NAB2: variants seen among roughly 807,000 people sequenced by gnomAD.
NAB2 encodes the protein NGFI-A binding protein 2.
In NAB2, 9 loss-of-function variants were observed where a neutral mutation model predicts 44.2. The ratio of observed to expected loss-of-function variants is 0.20; its 90% CI spans 0.12 to 0.36. The LOEUF is 0.36. NAB2 is among the 10% of genes least tolerant of loss of function. The pLI is 1.00. For synonymous variants in NAB2, 342 were observed against 291.0 expected (o/e 1.18, Z -1.78); for missense variants, 514 against 709.0 (o/e 0.73, Z 3.12).
chr12:57,092,032 G>A (rs1364266745), intron 2 of NAB2, 34 bp downstream of exon 2: 1 of 1,569,606 alleles, frequency 6.4e-7, no homozygotes, highest in Non-Finnish European at 8.6e-7. Context: ...GATTGCCCTT[G>A]ACTTCCAGGT....
At position 57,091,871 on chromosome 12, in the gene NAB2, G is replaced by A. The variant is rs776421700; in HGVS notation, c.830G>A (p.Ser277Asn). The change falls in exon 2 of 7, where the codon AGC (serine) becomes AAC (asparagine). Residue 277 changes from serine to asparagine, a missense_variant. By Grantham distance (46) the Ser-to-Asn change is conservative. This residue lies in a region of NAB2 where 177 missense variants were observed against 200.5 expected (regional missense o/e 0.88). Transcript: ENST00000300131. The surrounding 1 kb of genome is among the most constrained non-coding windows in gnomAD (Gnocchi z 7.3). ...AAGCTGAATAAGAAGCTGGCACGGA[G>A]CGTTGGGCACATCTTTGAGATGGAT... Reference protein sequence around the residue: ...LLKLNKKLARSVGHIFEMDDN... With the variant: ...LLKLNKKLARNVGHIFEMDDN... 5 of 1,614,098 alleles carry A rather than the reference G, an allele frequency of 3.1e-6. No individual in the cohort carries two copies. The highest frequency in any genetic ancestry group is 1.3e-5 in the African/African-American group (1 of 74,936).
In NAB2 at chr12:57,094,687, G is replaced by T; in HGVS notation, c.1544G>T (p.Ser515Ile). ...HPALVEGRRS[S>I]VKVEAEASRQ ...GCGCTGGTGGAGGGTCGCAGGAGCA[G>T]CGTGAAAGTGGAGGCTGAGGCCAGC... The change falls in exon 7 of 7, where the codon AGC becomes ATC. Residue 515 changes from serine to isoleucine, a missense_variant. Around this residue, in one of 5 missense-constraint regions of NAB2, gnomAD observed 194 missense variants for 223.9 expected, o/e 0.87. Transcript: ENST00000300131. 2.0e-5 allele frequency: 31 copies of T among 1,554,474 alleles called. No homozygotes were observed. The highest frequency in any genetic ancestry group is 2.6e-5 in the Non-Finnish European group (30 of 1,148,666).
intron 4 of NAB2, 39 bp from the exon 5 acceptor site, chr12:57,093,024 C>T: frequency 6.2e-7 from 1 of 1,614,032 alleles, no homozygotes; most frequent in Non-Finnish European, 8.5e-7. Flanking sequence ...AATCCCCTCC[C>T]TTGGCAGGTC....
chr12:57,092,359 T>C, intron 2 of NAB2, 89 bp from the exon 3 acceptor site: 1 of 1,531,370 alleles, frequency 6.5e-7, no homozygotes, highest in African/African-American at 1.4e-5. Context: ...ATGGGCCTCA[T>C]TTGTCCAATG....
chr12:57,092,310 C>T, intron 2 of NAB2, 138 bp from the exon 3 acceptor site: 4 of 1,299,496 alleles, frequency 3.1e-6, no homozygotes, highest in Non-Finnish European at 4.2e-6. Flanking sequence ...CCTCAGAAAG[C>T]TCCCATGTAG....
intron 1 of NAB2, among the ~76,000 whole-genome samples, chr12:57,090,204 G>A (rs538395264): frequency 6.6e-6 from 1 of 152,326 alleles, no homozygotes; most frequent in South Asian, 2.1e-4. Context: ...TAACCAGGCC[G>A]GGCGGGCCCG....
rs374940522 is a variant in NAB2 at position 57,092,450 on chromosome 12, C to G, written c.960C>G (p.Leu320=). 2 of 1,614,058 alleles carry G rather than the reference C, an allele frequency of 1.2e-6. No individual in the cohort carries two copies. The highest frequency in any genetic ancestry group is 1.7e-6 in the Non-Finnish European group (2 of 1,179,942). ...TCCTGGCTGCCCTCCCTCCACAGCT[C>G]ACCATCAACGAGGCTGCTGCCCAGT... ...REGKQLSLHE[L]TINEAAAQFC... The change falls in exon 3 of 7, where the codon CTC becomes CTG. Residue 320 remains leucine (L), a splice_region_variant and synonymous_variant. Transcript: ENST00000300131.
rs749387788 is a variant in NAB2 at position 57,091,537 on chromosome 12, C to A, written c.496C>A (p.Leu166Ile). The part of the protein sequence containing the change: ...RSFSPKSPLE[L>I]GEKLSPLPGG... ...TTTTAGCCCCAAGAGCCCCCTTGAA[C>A]TTGGAGAGAAGCTATCACCACTGCC... The change falls in exon 2 of 7, where the codon CTT becomes ATT. Residue 166 changes from leucine to isoleucine, a missense_variant. By Grantham distance (5) the Leu-to-Ile change is conservative. Coordinates refer to ENST00000300131, the MANE Select transcript of NAB2 (RefSeq NM_005967.4). This position sits in a 1 kb window ranked among gnomAD's most constrained non-coding sequence, Gnocchi z 7.3. 1 of 1,612,984 alleles carries A rather than the reference C, an allele frequency of 6.2e-7. No individual in the cohort carries two copies. Among genetic ancestry groups the A allele is most frequent in the Non-Finnish European group, 8.5e-7 (1 of 1,179,372 alleles).
At chr12:57,092,694 C>A in intron 3 of NAB2, 113 bp downstream of exon 3, 1 of 1,441,012 alleles carries the variant, frequency 6.9e-7, no homozygotes, top group South Asian at 1.3e-5. Context: ...ACCTGGATGT[C>A]CTGCTTTTGG....
chr12:57,091,034 G>A lies in NAB2; in HGVS notation c.84-91G>A. 8.7e-7 allele frequency: 1 copy of A among 1,143,390 alleles called. No individual in the cohort carries two copies. The highest frequency in any genetic ancestry group is 1.2e-6 in the Non-Finnish European group (1 of 814,906). The allele number at this position is 1,143,390 out of a possible 1,614,324, so 70.8% of individuals were successfully genotyped here. On this transcript the variant is annotated intron_variant, in intron 1 of 6. Transcript: ENST00000300131. The surrounding 1 kb of genome is among the most constrained non-coding windows in gnomAD (Gnocchi z 7.3). ...CAAATGAGGGAGGGGAAGAAAAGCAGGCAGGAAAGAGGGAACAATTGTTAG... is the reference window on the plus strand; with the variant it reads ...CAAATGAGGGAGGGGAAGAAAAGCAAGCAGGAAAGAGGGAACAATTGTTAG...
chr12:57,090,447 A>T (rs903770148), intron 1 of NAB2, among the ~76,000 whole-genome samples: 10 of 152,170 alleles, frequency 6.6e-5, no homozygotes, highest in Non-Finnish European at 1.0e-4. Context: ...ACTGCACTCC[A>T]GCCTGGGTGA....
At position 57,089,281 on chromosome 12, in the gene NAB2, G is replaced by A. The variant is rs750930935; in HGVS notation, c.10G>A (p.Ala4Thr). The A allele has an allele frequency of 3.8e-6, 6 of 1,575,390 alleles. No homozygotes were observed. In the East Asian group the frequency reaches 1.4e-4, roughly 36 times the overall value. Residue 4 changes from alanine (A) to threonine (T), a missense_variant, in exon 1 of 7, where the codon GCG becomes ACG. Ala to Thr is a moderately conservative substitution (Grantham distance 58, BLOSUM62 0). Coordinates refer to ENST00000300131, the MANE Select transcript of NAB2 (RefSeq NM_005967.4). ...TGATCTCCGGCCGTCCATGCACAGAGCGCCTTCCCCCACAGCCGAGCAGCC... is the reference window on the plus strand; with the variant it reads ...TGATCTCCGGCCGTCCATGCACAGAACGCCTTCCCCCACAGCCGAGCAGCC... MHR[A>T]PSPTAEQPPG...
Position 57,089,260 on chromosome 12 carries a change from C to G in NAB2, c.-12C>G. On this transcript the variant is annotated 5_prime_UTR_variant, in exon 1 of 7. In the 5' UTR this introduces an upstream ATG that the reference lacks. Transcript: ENST00000300131. ...CACCGAGAAGGGCAGCCCGGGTGAT[C>G]TCCGGCCGTCCATGCACAGAGCGCC... 6.4e-7 allele frequency: 1 copy of G among 1,567,574 alleles called. No individual in the cohort carries two copies. Among genetic ancestry groups the G allele is most frequent in the Non-Finnish European group, 8.6e-7 (1 of 1,156,626 alleles).
chr12:57,093,057 C>G lies in NAB2; in HGVS notation c.1144-6C>G. The G allele has an allele frequency of 6.2e-7, 1 of 1,613,742 alleles. No homozygotes were observed. Among genetic ancestry groups the G allele is most frequent in the Non-Finnish European group, 8.5e-7 (1 of 1,179,762 alleles). The stretch of plus-strand genomic sequence containing the variant: ...GTCTTCATTTCCCCATGTTGGGCAT[C>G]CACAGGTTGGAGAACAGAGTCACCC... On this transcript the variant is annotated splice_polypyrimidine_tract_variant and splice_region_variant and intron_variant, in intron 4 of 6. Coordinates refer to ENST00000300131, the MANE Select transcript of NAB2 (RefSeq NM_005967.4).
Position 57,091,112 on chromosome 12 carries a change from C to T in NAB2, c.84-13C>T, listed in dbSNP as rs374956643. The T allele has an allele frequency of 7.3e-6, 11 of 1,508,284 alleles. No homozygotes were observed. The highest frequency in any genetic ancestry group is 1.4e-5 in the African/African-American group (1 of 71,502). 93.4% of individuals were successfully genotyped at this position (1,508,284 alleles called of 1,614,324 possible). On this transcript the variant is annotated splice_polypyrimidine_tract_variant and intron_variant, in intron 1 of 6. Coordinates refer to ENST00000300131, the MANE Select transcript of NAB2 (RefSeq NM_005967.4). This position sits in a 1 kb window ranked among gnomAD's most constrained non-coding sequence, Gnocchi z 7.3. ...TGCACCGACTGCCTCTCTCTTGTGC[C>T]CCTCCTTCTCAGGCCCAGTGCCCGA...
chr12:57,094,594 GC>G lies in NAB2; in HGVS notation c.1469-13del, dbSNP rs2136548679. On this transcript the variant is annotated splice_polypyrimidine_tract_variant and intron_variant, in intron 6 of 6. Transcript: ENST00000300131. The stretch of plus-strand genomic sequence containing the variant: ...CCAGTCACCCTGCAGTCTCCTAACT[GC>G]CCCCTTTTCCCTGCAGAGTTCGAGG... 1.3e-6 allele frequency: 2 copies of G among 1,544,502 alleles called. No homozygotes were observed. The highest frequency in any genetic ancestry group is 4.9e-5 in the East Asian group (2 of 40,908).
At chr12:57,089,683 G>A (rs1477731974) in intron 1 of NAB2, among the ~76,000 whole-genome samples, 1 of 151,322 alleles carries the variant, frequency 6.6e-6, no homozygotes, top group Admixed American at 6.6e-5. Context: ...CATCAGTGCG[G>A]AAGGTGGGGG....
At chr12:57,090,073 A>C (rs1314300556) in intron 1 of NAB2, among the ~76,000 whole-genome samples, 1 of 152,180 alleles carries the variant, frequency 6.6e-6, no homozygotes, top group Non-Finnish European at 1.5e-5. Context: ...AGCTGAAGGA[A>C]AAGGCTGACC....
In NAB2 at chr12:57,091,530, C is replaced by T. The variant is rs1378745744; in HGVS notation, c.489C>T (p.Pro163=). The part of the protein sequence containing the change: ...GSARSFSPKS[P]LELGEKLSPL... Reference sequence around the variant, plus strand: ...CCCGCAGTTTTAGCCCCAAGAGCCCCCTTGAACTTGGAGAGAAGCTATCAC... The same window carrying T: ...CCCGCAGTTTTAGCCCCAAGAGCCCTCTTGAACTTGGAGAGAAGCTATCAC... The change falls in exon 2 of 7, where the codon CCC becomes CCT. Residue 163 remains proline, a synonymous_variant. Transcript: ENST00000300131. The surrounding 1 kb of genome is among the most constrained non-coding windows in gnomAD (Gnocchi z 7.3). 3 of 1,613,144 alleles carry T rather than the reference C, an allele frequency of 1.9e-6. No homozygotes were observed. The highest frequency in any genetic ancestry group is 2.2e-5 in the East Asian group (1 of 44,876).
Sources: gnomAD v4.1 joint callset for allele counts (sites outside exome capture counted in the v4.1 genomes callset) on GRCh38, gnomAD v4.1.1 for gene constraint, gnomAD v4.1.1 regional missense constraint, Gnocchi (gnomAD v3.1) non-coding constraint, MANE v1.5 for transcripts, NCBI Gene and HGNC (gene_info 2026-07-23, HGNC 2026-07-21) for gene names.